Variants in RASGRP2 observed in about 807,000 individuals in gnomAD.
RASGRP2 encodes RAS guanyl releasing protein 2.
A neutral mutation model predicts 71.0 loss-of-function variants in RASGRP2; 44 were observed. That is an observed-to-expected ratio of 0.62 (90% CI 0.49 to 0.80). The LOEUF (loss-of-function observed/expected upper bound fraction) is 0.80. Ranked by LOEUF, RASGRP2 falls within the 30% of genes least tolerant of loss-of-function variation. The probability of loss-of-function intolerance (pLI) is 0.00; values close to 1 mark genes in which losing one functional copy is unlikely to be tolerated. For missense variants in RASGRP2, 663 were observed against 813.4 expected, an observed-to-expected ratio of 0.82 and a Z score of 2.25; for synonymous variants, 350 against 330.7, an observed-to-expected ratio of 1.06 and a Z score of -0.63.
At chr11:64,738,329 TA>T (rs2058014119) in intron 8 of RASGRP2, among the ~76,000 whole-genome samples, 1 of 152,252 alleles carries the variant, frequency 6.6e-6, no homozygotes. Context: ...AGTTATGCTC[TA>T]AAGTGCTGGG....
At chr11:64,731,579 C>G (rs918423724) in intron 12 of RASGRP2, among the ~76,000 whole-genome samples, 2 of 151,966 alleles carry the variant, frequency 1.3e-5, no homozygotes, top group Non-Finnish European at 2.9e-5. Flanking sequence ...TATCCATTAA[C>G]AGAGATTCTA....
At chr11:64,740,602 G>A (rs190152123) in intron 5 of RASGRP2, 15 of 661,526 alleles carry the variant, frequency 2.3e-5, no homozygotes, top group Non-Finnish European at 3.4e-5. Context: ...CAGAGCCCAC[G>A]GAGACTTCAT....
At chr11:64,729,825 G>A in intron 13 of RASGRP2, 27 bp from the exon 14 acceptor site, 1 of 1,613,824 alleles carries the variant, frequency 6.2e-7, no homozygotes, top group Non-Finnish European at 8.5e-7. Context: ...GCCGTGGTGG[G>A]AGGAGGGATT....
chr11:64,741,566 G>A, intron 3 of RASGRP2, 65 bp from the exon 4 acceptor site: 1 of 1,398,682 alleles, frequency 7.1e-7, no homozygotes. Context: ...AGGGAGGCTG[G>A]GGGCGGGGCC....
Position 64,742,863 on chromosome 11 carries a change from C to A in RASGRP2, c.4G>T (p.Ala2Ser), listed in dbSNP as rs1188838456. The A allele has an allele frequency of 3.8e-6, 6 of 1,594,196 alleles. No homozygotes were observed. The highest frequency in any genetic ancestry group is 4.3e-6 in the Non-Finnish European group (5 of 1,173,202). The change falls in exon 2 of 17, where the codon GCA becomes TCA. Residue 2 changes from alanine to serine, a missense_variant. Transcript: ENST00000394432. This position sits in a 1 kb window ranked among gnomAD's most constrained non-coding sequence, Gnocchi z 4.7. M[A>S]GTLDLDKGCT... is the part of the protein sequence containing the mutation. ...CCCTTGTCCAGGTCCAGGGTGCCTG[C>A]CATGGCCGCCGGCGCGGGGTGGGCT...
In RASGRP2 at chr11:64,729,806, AGAG is replaced by A; in HGVS notation, c.1555-11_1555-9del. The A allele has an allele frequency of 1.2e-6, 2 of 1,614,010 alleles. No homozygotes were observed. The highest frequency in any genetic ancestry group is 1.7e-6 in the Non-Finnish European group (2 of 1,179,936). On this transcript the variant is annotated splice_polypyrimidine_tract_variant and intron_variant, in intron 13 of 16. Coordinates refer to ENST00000394432, the MANE Select transcript of RASGRP2 (RefSeq NM_001098671.2). ...CTTGTAGATGCCCAGGATCTGCAAT[AGAG>A]GAGGGGCCGTGGTGGGAGGAGGGAT...
At position 64,742,559 on chromosome 11, in the gene RASGRP2, C is replaced by G. The variant is rs1239074149; in HGVS notation, c.73+235G>C. ...CCCTCAAGTGTCAGAGTCCGGGACC[C>G]GGCCCTCCCTTCGCCGCCGCTGGGG... On this transcript the variant is annotated intron_variant, in intron 2 of 16. Coordinates refer to ENST00000394432, the MANE Select transcript of RASGRP2 (RefSeq NM_001098671.2). The surrounding 1 kb of genome is among the most constrained non-coding windows in gnomAD (Gnocchi z 4.7). 3.2e-6 allele frequency: 2 copies of G among 615,976 alleles called. No homozygotes were observed. The highest frequency in any genetic ancestry group is 5.7e-6 in the Non-Finnish European group (2 of 349,898). The allele number at this position is 615,976 out of a possible 1,614,324, so 38.2% of individuals were successfully genotyped here.
intron 12 of RASGRP2, among the ~76,000 whole-genome samples, chr11:64,730,592 G>T (rs1046430431): frequency 2.6e-5 from 4 of 152,252 alleles, no homozygotes; most frequent in African/African-American, 7.2e-5. Context: ...GAGATTGGGA[G>T]AAATCGCATC....
intron 5 of RASGRP2, 89 bp from the exon 6 acceptor site, chr11:64,740,252 G>C: frequency 6.5e-7 from 1 of 1,540,762 alleles, no homozygotes; most frequent in Non-Finnish European, 9.0e-7. Context: ...CACGCTTACT[G>C]AGAACCTACA....
intron 8 of RASGRP2, among the ~76,000 whole-genome samples, chr11:64,737,471 C>A (rs937767266): frequency 6.6e-6 from 1 of 151,346 alleles, no homozygotes. Flanking sequence ...GAGATGGAGA[C>A]CATCTTGGCC....
upstream of RASGRP2, chr11:64,745,110 G>T (rs1323575019): frequency 1.3e-5 from 2 of 151,984 alleles, no homozygotes; most frequent in Non-Finnish European, 2.9e-5. Flanking sequence ...GGACGCGGAG[G>T]GGGGACCGAA....
chr11:64,727,464 C>T, intron 15 of RASGRP2, 104 bp from the exon 16 acceptor site: 1 of 1,036,516 alleles, frequency 9.6e-7, no homozygotes, highest in Non-Finnish European at 1.5e-6. Context: ...AGAAGCAGAC[C>T]CACCCACCAA....
Position 64,736,745 on chromosome 11 carries a change from C to T in RASGRP2, c.1095+8G>A, listed in dbSNP as rs1214079861. ...CAGCTCCCCACCTCCCTGCCCCCTG[C>T]TCCTCACCGTGAGCAGGCTCAGCAG... On this transcript the variant is annotated splice_region_variant and intron_variant, in intron 9 of 16. Coordinates refer to ENST00000394432, the MANE Select transcript of RASGRP2 (RefSeq NM_001098671.2). 1.3e-6 allele frequency: 2 copies of T among 1,573,366 alleles called. No individual in the cohort carries two copies. The highest frequency in any genetic ancestry group is 2.3e-5 in the South Asian group (2 of 86,478).
At chr11:64,737,586 C>T (rs890595318) in intron 8 of RASGRP2, among the ~76,000 whole-genome samples, 17 of 149,432 alleles carry the variant, frequency 1.1e-4, no homozygotes, top group Non-Finnish European at 2.1e-4. Flanking sequence ...GCAGGAGAAT[C>T]GCTTGAACCC....
chr11:64,728,120 T>A (rs1047611970), intron 15 of RASGRP2, among the ~76,000 whole-genome samples: 1 of 152,212 alleles, frequency 6.6e-6, no homozygotes, highest in African/African-American at 2.4e-5. Flanking sequence ...ATTTGGCCAG[T>A]TGTCATTCAG....
chr11:64,738,043 C>T (rs1265997180), intron 8 of RASGRP2, among the ~76,000 whole-genome samples: 1 of 151,052 alleles, frequency 6.6e-6, no homozygotes, highest in African/African-American at 2.4e-5. Flanking sequence ...GACTCCATCT[C>T]AAAAAAATAA....
Position 64,739,523 on chromosome 11 carries a change from C to G in RASGRP2, c.697-47G>C, listed in dbSNP as rs768552940. 44 of 1,610,024 alleles carry G rather than the reference C, an allele frequency of 2.7e-5. No individual in the cohort carries two copies. The highest frequency in any genetic ancestry group is 1.6e-4 in the Middle Eastern group (1 of 6,078). On this transcript the variant is annotated intron_variant, in intron 7 of 16. Transcript: ENST00000394432. This position sits in a 1 kb window ranked among gnomAD's most constrained non-coding sequence, Gnocchi z 4.2. ...AGAGGCAGGGAGTCACTGAGTGGGC[C>G]CAGAATTTGGCCCAGCTTATCTAGA... is the stretch of plus-strand genomic sequence containing the variant.
rs181901181 is a variant in RASGRP2, at chr11:64,740,941, C to G, written c.371+7G>C. The G allele has an allele frequency of 5.0e-6, 8 of 1,613,896 alleles. No individual in the cohort carries two copies. Among genetic ancestry groups the G allele is most frequent in the South Asian group, 3.3e-5 (3 of 91,070 alleles). On this transcript the variant is annotated splice_region_variant and intron_variant, in intron 5 of 16. Transcript: ENST00000394432. Reference sequence around the variant, plus strand: ...CCCCCCCAGCCCTCTGTGCTCCCCCCACGCACACGCTGTCTATGTCGATTA... The same window carrying G: ...CCCCCCCAGCCCTCTGTGCTCCCCCGACGCACACGCTGTCTATGTCGATTA...
rs371447848 is a variant in RASGRP2 at position 64,742,169 on chromosome 11, C to T, written c.74-57G>A. 25 of 1,351,988 alleles carry T rather than the reference C, an allele frequency of 1.8e-5. No homozygotes were observed. The African/African-American group carries it at 3.5e-4, about 19-fold the overall frequency. 83.7% of individuals were successfully genotyped at this position (1,351,988 alleles called of 1,614,324 possible). On this transcript the variant is annotated intron_variant, in intron 2 of 16. Transcript: ENST00000394432. The surrounding 1 kb of genome is among the most constrained non-coding windows in gnomAD (Gnocchi z 4.7). ...AGCTGGGTCCGCAGCTACCATGCCT[C>T]ATCCTCACCCCGCAACCCGCCAGGT... is the stretch of plus-strand genomic sequence containing the variant.
Sources: gnomAD v4.1 joint callset for allele counts (sites outside exome capture counted in the v4.1 genomes callset) on GRCh38, gnomAD v4.1.1 for gene constraint, Gnocchi (gnomAD v3.1) non-coding constraint, MANE v1.5 for transcripts, NCBI Gene and HGNC (gene_info 2026-07-23, HGNC 2026-07-21) for gene names.